NR3C1: variants seen among roughly 807,000 people sequenced by gnomAD.
NR3C1 encodes the protein glucocorticoid receptor.
A neutral mutation model predicts 74.0 loss-of-function variants in NR3C1; 14 were observed. The observed-to-expected ratio is 0.19, with a 90% CI of 0.12 to 0.30. The LOEUF is 0.30. Ranked by LOEUF, NR3C1 falls within the 10% of genes least tolerant of loss-of-function variation. The pLI is 1.00. For missense variants in NR3C1, 695 were observed against 909.8 expected, an observed-to-expected ratio of 0.76 and a Z score of 3.04; for synonymous variants, 308 against 332.5, an observed-to-expected ratio of 0.93 and a Z score of 0.80.
At chr5:143,408,050 T>C (rs1046278260), upstream of NR3C1, among the ~76,000 whole-genome samples, 8 of 152,242 alleles carry the variant, frequency 5.3e-5, no homozygotes, top group African/African-American at 1.9e-4. Context: ...CTTTTGAAAC[T>C]TTTGAAACCT....
intron 2 of NR3C1, among the ~76,000 whole-genome samples, chr5:143,388,154 A>G (rs1837591207): frequency 6.6e-6 from 1 of 152,220 alleles, no homozygotes; most frequent in South Asian, 2.1e-4. Flanking sequence ...GACCAGAGTT[A>G]TTCTAAGAAA....
chr5:143,309,627 AG>A (rs1420945592), intron 4 of NR3C1, among the ~76,000 whole-genome samples: 1 of 151,942 alleles, frequency 6.6e-6, no homozygotes, highest in Non-Finnish European at 1.5e-5. Flanking sequence ...TTCTTCCTTG[AG>A]GTTTTTTTTT....
chr5:143,420,749 G>A (rs1283945291), intron 1 of NR3C1, among the ~76,000 whole-genome samples: 4 of 152,074 alleles, frequency 2.6e-5, no homozygotes, highest in Non-Finnish European at 5.9e-5. Flanking sequence ...ATAGTGCCGA[G>A]GCTGAGAAAC....
chr5:143,391,771 C>T (rs904149774), intron 2 of NR3C1, among the ~76,000 whole-genome samples: 1 of 152,004 alleles, frequency 6.6e-6, no homozygotes, highest in Admixed American at 6.6e-5. Context: ...TATGAAACTG[C>T]GATCCATGAC....
At chr5:143,310,412 C>T (rs554678001) in intron 3 of NR3C1, among the ~76,000 whole-genome samples, 199 bp from the exon 4 acceptor site, 1 of 152,076 alleles carries the variant, frequency 6.6e-6, no homozygotes, top group African/African-American at 2.4e-5. Flanking sequence ...TTCTGTTCAA[C>T]AAACTGAAAA....
chr5:143,346,830 GAGC>G (rs1829380662), intron 2 of NR3C1, among the ~76,000 whole-genome samples: 1 of 152,178 alleles, frequency 6.6e-6, no homozygotes. Context: ...TTTTCTTTAT[GAGC>G]AGAAAACAAG....
At chr5:143,349,051 C>G (rs1255791220) in intron 2 of NR3C1, among the ~76,000 whole-genome samples, 2 of 152,070 alleles carry the variant, frequency 1.3e-5, no homozygotes, top group African/African-American at 4.8e-5. Flanking sequence ...GAGAGAGAAG[C>G]CTCTTCTACA....
At chr5:143,389,950 A>G in intron 2 of NR3C1, 1 of 977,022 alleles carries the variant, frequency 1.0e-6, no homozygotes. Flanking sequence ...TTGGGGAGAA[A>G]GAACAAATAT....
In NR3C1 at chr5:143,388,635, T is replaced by A. The variant is rs1177259954; in HGVS notation, c.1184+11021A>T. On this transcript the variant is annotated intron_variant, in intron 2 of 8. Transcript: ENST00000394464. ...CTATTTCAGATAGAGCAGTCAGAGA[T>A]CTCTTTTACAGAGCTGACATTTAAA... 2.0e-5 allele frequency among the ~76,000 whole-genome samples: 3 copies of A among 152,264 alleles called. No individual in the cohort carries two copies. The East Asian group carries it at 5.8e-4, about 29-fold the overall frequency.
At chr5:143,427,385 G>C (rs1342667919) in intron 1 of NR3C1, among the ~76,000 whole-genome samples, 1 of 152,084 alleles carries the variant, frequency 6.6e-6, no homozygotes, top group Non-Finnish European at 1.5e-5. Context: ...ATTACCCTGA[G>C]AGGTTAATTA....
intron 2 of NR3C1, among the ~76,000 whole-genome samples, chr5:143,373,148 T>C (rs112070552): frequency 1.3e-4 from 20 of 152,294 alleles, no homozygotes; most frequent in Admixed American, 1.1e-3. Flanking sequence ...TGGAAACAAT[T>C]TGGCATTACC....
chr5:143,405,712 C>A (rs1222333311), upstream of NR3C1, among the ~76,000 whole-genome samples: 1 of 152,136 alleles, frequency 6.6e-6, no homozygotes, highest in African/African-American at 2.4e-5. Context: ...ACGTAGAACC[C>A]TCAGCCAGAA....
intron 1 of NR3C1, among the ~76,000 whole-genome samples, chr5:143,417,760 G>A (rs953816288): frequency 9.9e-5 from 15 of 152,092 alleles, no homozygotes; most frequent in African/African-American, 3.4e-4. Flanking sequence ...ATTGTGAAGG[G>A]AGCACCTGTC....
At chr5:143,372,292 C>T (rs1358354196) in intron 2 of NR3C1, among the ~76,000 whole-genome samples, 4 of 152,108 alleles carry the variant, frequency 2.6e-5, no homozygotes, top group African/African-American at 9.7e-5. Flanking sequence ...GCCAGGATCA[C>T]CACTCCTGCA....
At chr5:143,363,311 G>A (rs984083912) in intron 2 of NR3C1, among the ~76,000 whole-genome samples, 1 of 152,076 alleles carries the variant, frequency 6.6e-6, no homozygotes, top group Admixed American at 6.6e-5. Flanking sequence ...TACTGGGGAG[G>A]GGAGACAGTC....
In NR3C1 at chr5:143,400,729, A is replaced by G; in HGVS notation, c.111T>C (p.Ala37=). Residue 37 remains alanine (A), a synonymous_variant, in exon 2 of 9, where the codon GCT becomes GCC. Transcript: ENST00000394464. ...MDFYKTLRGG[A]TVKVSASSPS... ...GTGAAGACGCAGAAACCTTCACAGT[A>G]GCTCCTCCTCTTAGGGTTTTATAGA... The G allele has an allele frequency of 6.2e-7, 1 of 1,614,204 alleles. No individual in the cohort carries two copies. The highest frequency in any genetic ancestry group is 8.5e-7 in the Non-Finnish European group (1 of 1,180,032).
intron 2 of NR3C1, among the ~76,000 whole-genome samples, chr5:143,387,208 T>C (rs2151905301): frequency 6.6e-6 from 1 of 152,322 alleles, no homozygotes; most frequent in African/African-American, 2.4e-5. Context: ...TAACTGAATC[T>C]CAGGGTCTTT....
chr5:143,344,809 G>T (rs1244827305), intron 2 of NR3C1, among the ~76,000 whole-genome samples: 1 of 152,012 alleles, frequency 6.6e-6, no homozygotes, highest in Non-Finnish European at 1.5e-5. Context: ...GGAGGTGGAG[G>T]TTGTAGTGAG....
At chr5:143,381,329 T>C (rs764329314) in intron 2 of NR3C1, among the ~76,000 whole-genome samples, 14 of 152,152 alleles carry the variant, frequency 9.2e-5, no homozygotes, top group Non-Finnish European at 1.8e-4. Context: ...TGCTCATGGA[T>C]TGGAAGAATC....
Sources: gnomAD v4.1 joint callset for allele counts (sites outside exome capture counted in the v4.1 genomes callset) on GRCh38, gnomAD v4.1.1 for gene constraint, MANE v1.5 for transcripts, NCBI Gene and HGNC (gene_info 2026-07-23, HGNC 2026-07-21) for gene names.